Variants in ADAM12 observed in about 807,000 individuals in gnomAD.
ADAM12 encodes the protein disintegrin and metalloproteinase domain-containing protein 12.
Under a neutral mutation model 106.4 loss-of-function variants are expected in ADAM12, and 70 were observed. The observed-to-expected ratio is 0.66, with a 90% CI of 0.54 to 0.80. The LOEUF is 0.80. ADAM12 is among the 30% of genes least tolerant of loss of function. The pLI, the probability that ADAM12 is intolerant of heterozygous loss-of-function variation, is 0.00. For synonymous variants in ADAM12, 420 were observed against 433.5 expected (o/e 0.97, Z 0.39); for missense variants, 1,010 against 1,171.9 (o/e 0.86, Z 2.02).
At chr10:126,307,982 T>C (rs1168734173) in intron 2 of ADAM12, among the ~76,000 whole-genome samples, 2 of 152,202 alleles carry the variant, frequency 1.3e-5, no homozygotes, top group African/African-American at 4.8e-5. Flanking sequence ...CCAGATGATT[T>C]TCCCACCAGA....
At chr10:126,374,986 T>C (rs1015673402) in intron 1 of ADAM12, among the ~76,000 whole-genome samples, 1 of 152,018 alleles carries the variant, frequency 6.6e-6, no homozygotes, top group Non-Finnish European at 1.5e-5. Context: ...GCAGGTTTAG[T>C]GCAAAGGCAC....
At chr10:126,234,623 G>A (rs1252397598) in intron 3 of ADAM12, among the ~76,000 whole-genome samples, 5 of 152,184 alleles carry the variant, frequency 3.3e-5, no homozygotes, top group African/African-American at 4.8e-5. Flanking sequence ...CTTGCCTGGC[G>A]AGAAACAGAA....
At chr10:126,229,186 G>A (rs1958259077) in intron 3 of ADAM12, among the ~76,000 whole-genome samples, 1 of 152,114 alleles carries the variant, frequency 6.6e-6, no homozygotes, top group African/African-American at 2.4e-5. Context: ...CCGGTGGAGG[G>A]AGAGGAACCA....
At chr10:126,347,454 A>G (rs1855189277) in intron 1 of ADAM12, among the ~76,000 whole-genome samples, 1 of 152,096 alleles carries the variant, frequency 6.6e-6, no homozygotes, top group African/African-American at 2.4e-5. Flanking sequence ...TGCCCTTAAC[A>G]TTCTTTCCTT....
At chr10:126,384,611 A>G (rs1412756045) in intron 1 of ADAM12, among the ~76,000 whole-genome samples, 1 of 152,154 alleles carries the variant, frequency 6.6e-6, no homozygotes, top group African/African-American at 2.4e-5. Flanking sequence ...AATCATGGCT[A>G]GACTACCTGA....
chr10:126,107,707 T>C (rs1035459024), intron 8 of ADAM12, among the ~76,000 whole-genome samples: 3 of 152,126 alleles, frequency 2.0e-5, no homozygotes, highest in Non-Finnish European at 2.9e-5. Flanking sequence ...GCGGTCACCA[T>C]CCACATTGCA....
At chr10:126,267,697 C>T (rs1265807488) in intron 3 of ADAM12, among the ~76,000 whole-genome samples, 2 of 152,100 alleles carry the variant, frequency 1.3e-5, no homozygotes, top group African/African-American at 4.8e-5. Context: ...GATACTCATC[C>T]CCTGCTGTGT....
chr10:126,279,191 T>C (rs1959432617), intron 2 of ADAM12, among the ~76,000 whole-genome samples: 1 of 152,086 alleles, frequency 6.6e-6, no homozygotes, highest in South Asian at 2.1e-4. Context: ...CACCAGAGGA[T>C]TGCTTGAGTC....
intron 2 of ADAM12, among the ~76,000 whole-genome samples, chr10:126,327,879 G>A (rs1234352758): frequency 1.3e-5 from 2 of 152,160 alleles, no homozygotes; most frequent in Non-Finnish European, 2.9e-5. Context: ...ACACATGGGA[G>A]GAGCCCTGTG....
intron 1 of ADAM12, among the ~76,000 whole-genome samples, chr10:126,331,624 C>T (rs1234146776): frequency 6.6e-6 from 1 of 152,166 alleles, no homozygotes; most frequent in African/African-American, 2.4e-5. Flanking sequence ...TTAAAACTCT[C>T]AGGTGTTGAG....
At chr10:126,387,641 G>T (rs920639091) in intron 1 of ADAM12, among the ~76,000 whole-genome samples, 5 of 152,258 alleles carry the variant, frequency 3.3e-5, no homozygotes, top group African/African-American at 9.6e-5. Context: ...GGGCTGGAAA[G>T]GAAACCTGGT....
intron 8 of ADAM12, among the ~76,000 whole-genome samples, chr10:126,107,750 G>A (rs1317963871): frequency 6.6e-6 from 1 of 152,116 alleles, no homozygotes; most frequent in African/African-American, 2.4e-5. Flanking sequence ...CTGAAAATTC[G>A]AGGTCTAACC....
At chr10:126,051,748 G>C (rs541527598) in intron 14 of ADAM12, among the ~76,000 whole-genome samples, 4 of 152,344 alleles carry the variant, frequency 2.6e-5, no homozygotes, top group Non-Finnish European at 4.4e-5. Flanking sequence ...CTATCTTCCA[G>C]ACATTGGGAG....
At position 126,051,182 on chromosome 10, in the gene ADAM12, C is replaced by A. The variant is rs547525920; in HGVS notation, c.1610-1513G>T. On this transcript the variant is annotated intron_variant, in intron 14 of 22. Transcript: ENST00000448723. ...CCTGCACTTTGTGCTTAATTTAATCCTGTTTGGCAGCACTTTTGATCAAAG... is the reference window on the plus strand; with the variant it reads ...CCTGCACTTTGTGCTTAATTTAATCATGTTTGGCAGCACTTTTGATCAAAG... Among the ~76,000 whole-genome samples the A allele has an allele frequency of 9.2e-5, 14 of 152,288 alleles. No individual in the cohort carries two copies. The South Asian group carries it at 2.9e-3, about 32-fold the overall frequency.
chr10:126,110,625 T>C (rs1206972937), intron 6 of ADAM12, among the ~76,000 whole-genome samples: 1 of 152,012 alleles, frequency 6.6e-6, no homozygotes. Context: ...AGTGGATGAA[T>C]GGAGATGATT....
chr10:126,087,435 T>C (rs1955379974), intron 11 of ADAM12, among the ~76,000 whole-genome samples: 1 of 152,170 alleles, frequency 6.6e-6, no homozygotes, highest in African/African-American at 2.4e-5. Flanking sequence ...TTCTAACTAG[T>C]AGTGTTTTCA....
At chr10:126,046,995 C>T (rs776246828) in intron 16 of ADAM12, among the ~76,000 whole-genome samples, 1 of 152,022 alleles carries the variant, frequency 6.6e-6, no homozygotes, top group Non-Finnish European at 1.5e-5. Context: ...CATAAACCAT[C>T]AGCAACGAGG....
intron 11 of ADAM12, among the ~76,000 whole-genome samples, chr10:126,078,338 A>G (rs7899641): frequency 0.18 from 27,104 of 152,042 alleles, 2,826 homozygotes; most frequent in South Asian, 0.28. Context: ...ACCTGGTCCC[A>G]TGCCCCCCTT....
intron 8 of ADAM12, among the ~76,000 whole-genome samples, chr10:126,105,603 A>G (rs1955751084): frequency 6.6e-6 from 1 of 152,242 alleles, no homozygotes; most frequent in Non-Finnish European, 1.5e-5. Context: ...TGCCAGGTCA[A>G]TCAAATCAGA....
Sources: allele counts gnomAD v4.1 joint callset (sites outside exome capture counted in the v4.1 genomes callset), GRCh38; gene constraint gnomAD v4.1.1; transcripts MANE v1.5; gene names NCBI Gene and HGNC (gene_info 2026-07-23, HGNC 2026-07-21).